The following STK4 variants were observed in gnomAD, a reference collection of about 807,000 sequenced individuals.
STK4 encodes the protein serine/threonine kinase 4.
STK4 carries 30 observed loss-of-function variants against 64.9 expected under a neutral mutation model. The ratio of observed to expected loss-of-function variants is 0.46; its 90% confidence interval spans 0.35 to 0.63. The LOEUF (loss-of-function observed/expected upper bound fraction) is 0.63, where lower values mean the gene tolerates loss of function less well. STK4 is among the 20% of genes least tolerant of loss of function. The pLI, the probability that STK4 is intolerant of heterozygous loss-of-function variation, is 0.01. For missense variants in STK4, 466 were observed against 598.5 expected, an observed-to-expected ratio of 0.78 and a Z score of 2.31; for synonymous variants, 177 against 199.0, an observed-to-expected ratio of 0.89 and a Z score of 0.93.
intron 10 of STK4, among the ~76,000 whole-genome samples, chr20:45,044,402 T>C (rs2068661198): frequency 6.6e-6 from 1 of 152,126 alleles, no homozygotes; most frequent in Non-Finnish European, 1.5e-5. Flanking sequence ...TCCCAGCTTT[T>C]TGGGAGGCTG....
Position 45,077,544 on chromosome 20 carries a change from C to T in STK4, c.*2368C>T, listed in dbSNP as rs1980610543. ...GGGATTACAGCATATGCCACCATGC[C>T]CAGATTATTTTTTTGTATTTGTAGT... On this transcript the variant is annotated 3_prime_UTR_variant, in exon 11 of 11. Transcript: ENST00000372806. 1 of 152,290 alleles carries T rather than the reference C, an allele frequency of 6.6e-6. No homozygotes were observed. The highest frequency in any genetic ancestry group is 2.4e-5 in the African/African-American group (1 of 41,428). The allele number at this position is 152,290 out of a possible 1,614,324, so 9.4% of individuals were successfully genotyped here.
chr20:45,064,742 T>A (rs1282115058), intron 10 of STK4, among the ~76,000 whole-genome samples: 1 of 152,248 alleles, frequency 6.6e-6, no homozygotes, highest in East Asian at 1.9e-4. Flanking sequence ...TTGATTTGGT[T>A]CTCAGTTTGG....
At chr20:45,066,297 A>G (rs1600569612) in intron 10 of STK4, among the ~76,000 whole-genome samples, 1 of 151,944 alleles carries the variant, frequency 6.6e-6, no homozygotes, top group East Asian at 1.9e-4. Context: ...GATAGGGGGG[A>G]CTACTGTAAT....
intron 10 of STK4, among the ~76,000 whole-genome samples, chr20:45,067,582 C>T (rs1412215717): frequency 6.6e-6 from 1 of 152,176 alleles, no homozygotes; most frequent in South Asian, 2.1e-4. Context: ...AGAGGAAGCT[C>T]TACTATACAT....
chr20:44,968,353 G>C (rs916744385), intron 1 of STK4, among the ~76,000 whole-genome samples: 1 of 152,214 alleles, frequency 6.6e-6, no homozygotes, highest in Admixed American at 6.5e-5. Context: ...TAGCCAGGAT[G>C]GTCTCTATCT....
At chr20:45,069,553 T>C (rs548218454) in intron 10 of STK4, among the ~76,000 whole-genome samples, 3 of 152,244 alleles carry the variant, frequency 2.0e-5, no homozygotes, top group African/African-American at 4.8e-5. Context: ...GACATTCTCA[T>C]TAAGTGAACA....
intron 10 of STK4, among the ~76,000 whole-genome samples, chr20:45,060,334 A>G (rs1978882563): frequency 6.6e-6 from 1 of 152,254 alleles, no homozygotes. Flanking sequence ...AGTTCTCTGT[A>G]TCTCAAATGT....
At chr20:45,011,730 T>TATATATATA (rs1555813605) in intron 9 of STK4, among the ~76,000 whole-genome samples, 148 of 83,590 alleles carry the variant, frequency 1.8e-3, no homozygotes, top group Middle Eastern at 0.017. Flanking sequence ...TATATATATA[T>TATATATATA]TTTTTTTTTT....
At chr20:44,968,014 CTATA>C (rs1411605132) in intron 1 of STK4, among the ~76,000 whole-genome samples, 2 of 152,134 alleles carry the variant, frequency 1.3e-5, no homozygotes, top group African/African-American at 2.4e-5. Context: ...GTAGATATCC[CTATA>C]TGTCTGTTTT....
At chr20:45,074,567 C>T (rs1002622724) in intron 10 of STK4, among the ~76,000 whole-genome samples, 1 of 151,856 alleles carries the variant, frequency 6.6e-6, no homozygotes, top group Admixed American at 6.6e-5. Flanking sequence ...CAGCATCGAT[C>T]CTCCATGGTG....
chr20:45,069,004 G>C (rs1174085936), intron 10 of STK4, among the ~76,000 whole-genome samples: 3 of 152,214 alleles, frequency 2.0e-5, no homozygotes, highest in African/African-American at 7.2e-5. Flanking sequence ...AATCTCATCT[G>C]CACAAATGTT....
At chr20:45,055,000 C>T (rs1220418525) in intron 10 of STK4, among the ~76,000 whole-genome samples, 1 of 152,058 alleles carries the variant, frequency 6.6e-6, no homozygotes, top group Non-Finnish European at 1.5e-5. Context: ...ACCTGATTTA[C>T]CAAGAATAGC....
chr20:45,023,561 A>G (rs967842667), intron 9 of STK4, among the ~76,000 whole-genome samples: 4 of 152,196 alleles, frequency 2.6e-5, no homozygotes, highest in Admixed American at 6.5e-5. Flanking sequence ...GCAATGAAAA[A>G]TACTTCCTGT....
intron 10 of STK4, among the ~76,000 whole-genome samples, chr20:45,026,394 T>C (rs79496633): frequency 0.028 from 4,246 of 151,348 alleles, 182 homozygotes; most frequent in African/African-American, 0.092. Flanking sequence ...TTCTCACTGG[T>C]AAGAAGATGA....
Position 45,075,285 on chromosome 20 carries a change from C to G in STK4, c.*109C>G. On this transcript the variant is annotated 3_prime_UTR_variant, in exon 11 of 11. Transcript: ENST00000372806. ...CTTCTGCTCTGTCGTCTCTCCACAG[C>G]ACCTTTGTGAACTCAGGAATGTGCG... 1 of 1,421,796 alleles carries G rather than the reference C, an allele frequency of 7.0e-7. No individual in the cohort carries two copies. The highest frequency in any genetic ancestry group is 9.4e-7 in the Non-Finnish European group (1 of 1,059,334). The allele number at this position is 1,421,796 out of a possible 1,614,324, so 88.1% of individuals were successfully genotyped here.
At position 44,980,910 on chromosome 20, in the gene STK4, C is replaced by T. The variant is rs559918015; in HGVS notation, c.246-919C>T. On this transcript the variant is annotated intron_variant, in intron 3 of 10. Coordinates refer to ENST00000372806, the MANE Select transcript of STK4 (RefSeq NM_006282.5). ...GTCTCGATCTCCTGACCTCGGGATC[C>T]GCCCACCTCGGCCTCCCAAAGTGCT... 2.1e-4 allele frequency among the ~76,000 whole-genome samples: 32 copies of T among 152,134 alleles called. No individual in the cohort carries two copies. In the South Asian group the frequency reaches 5.2e-3, roughly 25 times the overall value.
At chr20:45,012,477 C>T (rs2068068064) in intron 9 of STK4, among the ~76,000 whole-genome samples, 1 of 152,168 alleles carries the variant, frequency 6.6e-6, no homozygotes, top group Non-Finnish European at 1.5e-5. Flanking sequence ...CATGGTTTAT[C>T]TTTCAATCTG....
intron 4 of STK4, among the ~76,000 whole-genome samples, chr20:44,985,783 C>G (rs1388404319): frequency 6.6e-6 from 1 of 152,122 alleles, no homozygotes; most frequent in Non-Finnish European, 1.5e-5. Context: ...GGGAAACAGG[C>G]TAAGAGAATA....
chr20:45,048,800 C>T (rs1377465007), intron 10 of STK4, among the ~76,000 whole-genome samples: 1 of 152,098 alleles, frequency 6.6e-6, no homozygotes, highest in South Asian at 2.1e-4. Context: ...TATTTTATAC[C>T]TAAGATGAGC....
Sources: gnomAD v4.1 joint callset for allele counts (sites outside exome capture counted in the v4.1 genomes callset) on GRCh38, gnomAD v4.1.1 for gene constraint, MANE v1.5 for transcripts, NCBI Gene and HGNC (gene_info 2026-07-23, HGNC 2026-07-21) for gene names.